Variants in DNAAF9 observed in about 807,000 individuals in gnomAD.
DNAAF9 encodes the protein dynein axonemal assembly factor 9, also known as shulin.
DNAAF9 carries 90 observed loss-of-function variants against 167.0 expected under a neutral mutation model. The observed-to-expected ratio is 0.54, with a 90% CI of 0.45 to 0.64. DNAAF9 has a LOEUF of 0.64. DNAAF9 is among the 30% of genes least tolerant of loss of function. DNAAF9 has a pLI of 0.00. For synonymous variants in DNAAF9, 491 were observed against 508.8 expected (o/e 0.96, Z 0.47); for missense variants, 1,315 against 1,442.2 (o/e 0.91, Z 1.43).
chr20:3,281,306 G>A (rs1390680262), intron 28 of DNAAF9, among the ~76,000 whole-genome samples: 2 of 151,016 alleles, frequency 1.3e-5, no homozygotes, highest in African/African-American at 5.0e-5. Flanking sequence ...TGGGATTACA[G>A]GCATGAGCCA....
chr20:3,256,133 G>C lies in DNAAF9; in HGVS notation c.3134C>G (p.Thr1045Arg). 2 of 1,614,178 alleles carry C rather than the reference G, an allele frequency of 1.2e-6. No individual in the cohort carries two copies. Among genetic ancestry groups the C allele is most frequent in the Non-Finnish European group, 1.7e-6 (2 of 1,180,006 alleles). The stretch of plus-strand genomic sequence containing the variant: ...TACGCTTTTGGAGTCTGGTGGTGGT[G>C]TGGGTCCTTCCAAAACTGGCATGAT... ...LSIMPVLEGP[T>R]PPPDSKSVSQ... is the part of the protein sequence containing the mutation. The change falls in exon 34 of 37, where the codon ACA (threonine) becomes AGA (arginine). Residue 1045 changes from threonine (T) to arginine (R), a missense_variant. Transcript: ENST00000252032.
chr20:3,310,428 T>TA (rs2069393674), intron 20 of DNAAF9, among the ~76,000 whole-genome samples: 1 of 151,698 alleles, frequency 6.6e-6, no homozygotes, highest in Non-Finnish European at 1.5e-5. Flanking sequence ...GTCACGCCTG[T>TA]AATCCCAGCA....
chr20:3,272,910 C>T (rs1182494939), intron 29 of DNAAF9, among the ~76,000 whole-genome samples: 2 of 152,114 alleles, frequency 1.3e-5, no homozygotes, highest in Non-Finnish European at 2.9e-5. Context: ...ACAACCTCCG[C>T]CTCCTGGGTT....
chr20:3,268,565 G>A (rs1237397560), intron 30 of DNAAF9, among the ~76,000 whole-genome samples: 1 of 152,194 alleles, frequency 6.6e-6, no homozygotes, highest in Admixed American at 6.5e-5. Context: ...CTGACTTCGT[G>A]ATCTGCCTGC....
intron 21 of DNAAF9, among the ~76,000 whole-genome samples, chr20:3,302,792 A>C (rs1448469596): frequency 6.6e-6 from 1 of 152,214 alleles, no homozygotes; most frequent in Admixed American, 6.5e-5. Flanking sequence ...GAGTGGAGGG[A>C]AAGATGAAAA....
chr20:3,341,765 C>T (rs2123114312), intron 9 of DNAAF9, among the ~76,000 whole-genome samples: 1 of 152,292 alleles, frequency 6.6e-6, no homozygotes, highest in East Asian at 1.9e-4. Context: ...CTCTACATTG[C>T]AGTGATGATA....
At chr20:3,253,163 TG>T (rs2068222151) in intron 36 of DNAAF9, among the ~76,000 whole-genome samples, 1 of 151,960 alleles carries the variant, frequency 6.6e-6, no homozygotes, top group East Asian at 1.9e-4. Flanking sequence ...GTCTCTAAGC[TG>T]GGCGCGGTGG....
At chr20:3,406,860 G>C (rs2084065347) in intron 1 of DNAAF9, among the ~76,000 whole-genome samples, 1 of 152,098 alleles carries the variant, frequency 6.6e-6, no homozygotes, top group South Asian at 2.1e-4. Context: ...GCTGAGGCAG[G>C]GGGAGCTGGG....
intron 16 of DNAAF9, among the ~76,000 whole-genome samples, chr20:3,321,057 G>A (rs866765689): frequency 1.3e-5 from 2 of 152,210 alleles, no homozygotes; most frequent in East Asian, 1.9e-4. Flanking sequence ...GCTCCCCTTC[G>A]CCATGCCATC....
chr20:3,385,076 A>G (rs1016446454), intron 1 of DNAAF9, among the ~76,000 whole-genome samples: 1 of 152,152 alleles, frequency 6.6e-6, no homozygotes, highest in Non-Finnish European at 1.5e-5. Flanking sequence ...CTTGATAAAG[A>G]TCATTTAAAA....
At chr20:3,349,419 C>T (rs994847772) in intron 7 of DNAAF9, among the ~76,000 whole-genome samples, 15 of 152,070 alleles carry the variant, frequency 9.9e-5, no homozygotes, top group Admixed American at 4.6e-4. Flanking sequence ...CCTTAAGCAC[C>T]TTATTTTAGC....
At chr20:3,259,635 G>T in intron 32 of DNAAF9, 81 bp from the exon 33 acceptor site, 1 of 962,216 alleles carries the variant, frequency 1.0e-6, no homozygotes, top group South Asian at 1.3e-5. Context: ...GAGTTTTAGG[G>T]ACTGGGGAGG....
At chr20:3,334,446 C>CAAAA in intron 10 of DNAAF9, among the ~76,000 whole-genome samples, 1 of 152,178 alleles carries the variant, frequency 6.6e-6, no homozygotes, top group African/African-American at 2.4e-5. Context: ...CTTTTTATCC[C>CAAAA]TAAATAGCAT....
At chr20:3,291,196 T>C (rs1030356957) in intron 25 of DNAAF9, among the ~76,000 whole-genome samples, 10 of 152,176 alleles carry the variant, frequency 6.6e-5, no homozygotes, top group African/African-American at 1.7e-4. Flanking sequence ...CACAGGAAAA[T>C]AGGTCCCCTT....
chr20:3,274,576 T>C (rs1021021849), intron 29 of DNAAF9, among the ~76,000 whole-genome samples: 4 of 152,184 alleles, frequency 2.6e-5, no homozygotes, highest in African/African-American at 4.8e-5. Flanking sequence ...ACTAGACAAA[T>C]TGCTCTACTT....
intron 6 of DNAAF9, 137 bp downstream of exon 6, chr20:3,373,911 A>T: frequency 1.7e-6 from 1 of 597,098 alleles, no homozygotes; most frequent in South Asian, 2.1e-5. Context: ...TTCCATTTCA[A>T]GTCTCCTAAC....
At chr20:3,253,862 C>T (rs1215362432) in intron 35 of DNAAF9, 43 bp from the exon 36 acceptor site, 1 of 1,021,718 alleles carries the variant, frequency 9.8e-7, no homozygotes, top group Non-Finnish European at 1.6e-6. Context: ...TGACTACTTT[C>T]TATACTTCAC....
At chr20:3,341,213 C>T (rs1335945230) in intron 9 of DNAAF9, among the ~76,000 whole-genome samples, 1 of 152,158 alleles carries the variant, frequency 6.6e-6, no homozygotes, top group Non-Finnish European at 1.5e-5. Context: ...AATCAGCCTC[C>T]TCAGTCATTT....
Position 3,374,085 on chromosome 20 carries a change from C to A in DNAAF9, c.575G>T (p.Gly192Val), listed in dbSNP as rs2083544865. 2 of 1,613,334 alleles carry A rather than the reference C, an allele frequency of 1.2e-6. No homozygotes were observed. The highest frequency in any genetic ancestry group is 1.7e-6 in the Non-Finnish European group (2 of 1,179,400). Residue 192 changes from glycine (G) to valine (V), a missense_variant, in exon 6 of 37, where the codon GGC becomes GTC. By Grantham distance (109) the Gly-to-Val change is moderately radical. Around this residue, in one of 2 missense-constraint regions of DNAAF9, gnomAD observed 981 missense variants for 1,012.5 expected, o/e 0.97. Coordinates refer to ENST00000252032, the MANE Select transcript of DNAAF9 (RefSeq NM_001009984.3). The stretch of plus-strand genomic sequence containing the variant: ...GGTAAAAAATCCATCCCCTCCAATG[C>A]CCTCAAGTGCAAAGGCCTGTACAAT... ...WPIVQAFALE[G>V]IGGDGFFTMK...
Sources: allele counts gnomAD v4.1 joint callset (sites outside exome capture counted in the v4.1 genomes callset), GRCh38; gene constraint gnomAD v4.1.1; regional missense constraint gnomAD v4.1.1; transcripts MANE v1.5; gene names NCBI Gene and HGNC (gene_info 2026-07-23, HGNC 2026-07-21).